The following SNX27 variants were observed in gnomAD, a reference collection of about 807,000 sequenced individuals.
SNX27 encodes the protein sorting nexin 27.
In SNX27, 22 loss-of-function variants were observed where a neutral mutation model predicts 71.6. That is an observed-to-expected ratio of 0.31 (90% CI 0.22 to 0.44). The LOEUF is 0.44. Ranked by LOEUF, SNX27 falls within the 20% of genes least tolerant of loss-of-function variation. SNX27 has a pLI of 1.00. For missense variants in SNX27, 531 were observed against 698.6 expected (o/e 0.76, Z 2.70); for synonymous variants, 269 against 277.2 (o/e 0.97, Z 0.29).
chr1:151,612,413 A>G lies in SNX27; in HGVS notation c.212A>G (p.Asn71Ser), dbSNP rs1268481077. ...GAGGGCGGGCAACTGCGGAGCATCAACGGGGAGCTGTACGCGCCGCTGCAG... is the reference window on the plus strand; with the variant it reads ...GAGGGCGGGCAACTGCGGAGCATCAGCGGGGAGCTGTACGCGCCGCTGCAG... ...VSEGGQLRSINGELYAPLQHV... is the reference protein window; with the variant it reads ...VSEGGQLRSISGELYAPLQHV... The change falls in exon 1 of 12, where the codon AAC becomes AGC. Residue 71 changes from asparagine to serine, a missense_variant. Coordinates refer to ENST00000458013, the MANE Select transcript of SNX27 (RefSeq NM_001330723.2). This position sits in a 1 kb window ranked among gnomAD's most constrained non-coding sequence, Gnocchi z 5.2. 2.0e-6 allele frequency: 3 copies of G among 1,511,658 alleles called. No homozygotes were observed. In the South Asian group the frequency reaches 3.8e-5, roughly 19 times the overall value. The allele number at this position is 1,511,658 out of a possible 1,614,324, so 93.6% of individuals were successfully genotyped here. A position where few individuals can be genotyped will look rare whatever the true frequency, so the allele number is the denominator to read the frequency against.
intron 2 of SNX27, among the ~76,000 whole-genome samples, chr1:151,650,216 T>G (rs769141087): frequency 2.0e-5 from 3 of 152,098 alleles, no homozygotes; most frequent in African/African-American, 7.2e-5. Context: ...TTAGTAGAGA[T>G]GGGGTCTTGC....
At chr1:151,688,734 A>G (rs952567014) in intron 8 of SNX27, among the ~76,000 whole-genome samples, 12 of 152,040 alleles carry the variant, frequency 7.9e-5, no homozygotes, top group Non-Finnish European at 2.9e-5. Flanking sequence ...GATTTGTTAC[A>G]TAGATAAACT....
At chr1:151,634,002 G>T (rs1668364994) in intron 1 of SNX27, among the ~76,000 whole-genome samples, 1 of 151,334 alleles carries the variant, frequency 6.6e-6, no homozygotes, top group African/African-American at 2.4e-5. Context: ...ATAATACCTA[G>T]GAGTGGAATT....
chr1:151,693,219 AT>A, intron 10 of SNX27, 180 bp downstream of exon 10: 3 of 994,000 alleles, frequency 3.0e-6, no homozygotes, highest in Non-Finnish European at 4.4e-6. Context: ...GGAATTGGCA[AT>A]TTCCTATCCC....
chr1:151,664,218 T>C (rs1332783878), intron 5 of SNX27, among the ~76,000 whole-genome samples: 13 of 143,454 alleles, frequency 9.1e-5, no homozygotes, highest in Non-Finnish European at 2.0e-4. Flanking sequence ...ATATTTAATA[T>C]ATAATGCATT....
At chr1:151,622,648 C>T (rs547490233) in intron 1 of SNX27, among the ~76,000 whole-genome samples, 28 of 152,258 alleles carry the variant, frequency 1.8e-4, no homozygotes, top group Middle Eastern at 3.4e-3. Flanking sequence ...TGTAGCAGCT[C>T]TCAAACACTG....
chr1:151,635,850 G>A (rs1021104712), intron 1 of SNX27, among the ~76,000 whole-genome samples: 10 of 152,108 alleles, frequency 6.6e-5, no homozygotes, highest in African/African-American at 2.4e-4. Context: ...ATAAAGAAGT[G>A]AAACCTAAGT....
chr1:151,673,974 G>A (rs1177541697), intron 7 of SNX27, among the ~76,000 whole-genome samples: 1 of 150,908 alleles, frequency 6.6e-6, no homozygotes, highest in Non-Finnish European at 1.5e-5. Flanking sequence ...AGTGGTTCTT[G>A]TTTTTTTTTA....
chr1:151,665,036 T>C (rs942885883), intron 5 of SNX27, among the ~76,000 whole-genome samples: 3 of 152,206 alleles, frequency 2.0e-5, no homozygotes, highest in Non-Finnish European at 4.4e-5. Flanking sequence ...TGAGCAGATA[T>C]GAGAAGAAGG....
At chr1:151,634,998 G>T (rs1013182527) in intron 1 of SNX27, among the ~76,000 whole-genome samples, 1 of 152,176 alleles carries the variant, frequency 6.6e-6, no homozygotes, top group African/African-American at 2.4e-5. Context: ...CTGATCCAGT[G>T]GTCTTGTGAA....
At chr1:151,614,883 A>G (rs984351796) in intron 1 of SNX27, among the ~76,000 whole-genome samples, 1 of 152,382 alleles carries the variant, frequency 6.6e-6, no homozygotes. Flanking sequence ...AATATGATCT[A>G]TCTTTGCAGA....
intron 2 of SNX27, among the ~76,000 whole-genome samples, chr1:151,647,251 A>G (rs1669090857): frequency 1.3e-5 from 2 of 151,726 alleles, no homozygotes; most frequent in South Asian, 4.2e-4. Context: ...CCCAGGTTCA[A>G]GTGATTCTCC....
At chr1:151,623,382 C>T (rs137994324) in intron 1 of SNX27, among the ~76,000 whole-genome samples, 365 of 152,140 alleles carry the variant, frequency 2.4e-3, no homozygotes, top group African/African-American at 7.8e-3. Context: ...CCTCGTGATC[C>T]GCCCACCTTG....
At chr1:151,651,311 G>A (rs1165095898) in intron 2 of SNX27, among the ~76,000 whole-genome samples, 12 of 150,848 alleles carry the variant, frequency 8.0e-5, no homozygotes, top group Admixed American at 3.3e-4. Context: ...CAGATGGGGC[G>A]GCTGGCGGGG....
intron 7 of SNX27, among the ~76,000 whole-genome samples, chr1:151,669,733 A>G (rs140374488): frequency 8.5e-5 from 13 of 152,138 alleles, no homozygotes; most frequent in African/African-American, 3.1e-4. Context: ...CTCTTTTTAT[A>G]TATGTAATTT....
At chr1:151,654,935 C>G (rs113390699) in intron 2 of SNX27, among the ~76,000 whole-genome samples, 4 of 152,172 alleles carry the variant, frequency 2.6e-5, no homozygotes, top group Non-Finnish European at 5.9e-5. Flanking sequence ...TCTACTGATT[C>G]TTTTGTCTTG....
chr1:151,640,606 C>T (rs1246487013), intron 2 of SNX27, among the ~76,000 whole-genome samples: 1 of 151,970 alleles, frequency 6.6e-6, no homozygotes, highest in African/African-American at 2.4e-5. Flanking sequence ...AACTCCTGAC[C>T]TCAGGTAATC....
intron 2 of SNX27, among the ~76,000 whole-genome samples, chr1:151,652,903 A>C (rs887210135): frequency 1.4e-4 from 21 of 147,294 alleles, no homozygotes; most frequent in Admixed American, 3.4e-4. Context: ...AGACTGTTTT[A>C]TCTCTTGACA....
At chr1:151,633,541 G>A (rs1335197164) in intron 1 of SNX27, among the ~76,000 whole-genome samples, 2 of 117,162 alleles carry the variant, frequency 1.7e-5, no homozygotes, top group Non-Finnish European at 4.4e-5. Flanking sequence ...CAAGTGATCC[G>A]CCCTGCCTCT....
Sources: gnomAD v4.1 joint callset for allele counts (sites outside exome capture counted in the v4.1 genomes callset) on GRCh38, gnomAD v4.1.1 for gene constraint, Gnocchi (gnomAD v3.1) non-coding constraint, MANE v1.5 for transcripts, NCBI Gene and HGNC (gene_info 2026-07-23, HGNC 2026-07-21) for gene names.